Variants in FHIT observed in about 807,000 individuals in gnomAD.
FHIT encodes fragile histidine triad diadenosine triphosphatase, also known as bis(5'-adenosyl)-triphosphatase.
A neutral mutation model predicts 17.9 loss-of-function variants in FHIT; 19 were observed. The ratio of observed to expected loss-of-function variants is 1.06; its 90% CI spans 0.74 to 1.56. The LOEUF is 1.56. Among genes scored for constraint, FHIT ranks in the 40% most tolerant of loss-of-function variants. FHIT has a pLI of 0.00. For missense variants in FHIT, 248 were observed against 189.2 expected (o/e 1.31, Z -1.82); for synonymous variants, 81 against 69.7 (o/e 1.16, Z -0.81).
At chr3:60,728,996 G>A (rs1559675834) in intron 4 of FHIT, among the ~76,000 whole-genome samples, 1 of 152,084 alleles carries the variant, frequency 6.6e-6, no homozygotes, top group African/African-American at 2.4e-5. Context: ...CATTATCAGA[G>A]AGCAAGAGAA....
At chr3:60,421,062 A>G (rs1315643799) in intron 5 of FHIT, among the ~76,000 whole-genome samples, 1 of 151,062 alleles carries the variant, frequency 6.6e-6, no homozygotes. Flanking sequence ...AGAGAGAATA[A>G]AGCTTTGGCC....
chr3:59,927,489 C>T lies in FHIT; in HGVS notation c.280-5075G>A, dbSNP rs1575709799. Among the ~76,000 whole-genome samples, 4 of 144,086 alleles carry T rather than the reference C, an allele frequency of 2.8e-5. No homozygotes were observed. In the South Asian group the frequency reaches 6.6e-4, roughly 24 times the overall value. The allele number at this position is 144,086 out of a possible 152,430, so 94.5% of individuals were successfully genotyped here. On this transcript the variant is annotated intron_variant, in intron 7 of 9. Transcript: ENST00000492590. ...AAAAAAAAAAAAAAAAACTGAAGGC[C>T]GGGTGCTGTGGTTCACGCCTGTAAT...
chr3:60,011,386 G>C lies in FHIT; in HGVS notation c.264C>G (p.Ala88=). The change falls in exon 7 of 10, where the codon GCC becomes GCG. Residue 88 remains alanine (A), a synonymous_variant. Coordinates refer to ENST00000492590, the MANE Select transcript of FHIT (RefSeq NM_002012.4). ...AAGCACTCACCTTCACAGTCTGTCC[G>C]GCTTCGGGGCCATCCTAGAAGTAGG... ...LTFSMQDGPE[A]GQTVKHVHVH... 1 of 1,612,896 alleles carries C rather than the reference G, an allele frequency of 6.2e-7. No individual in the cohort carries two copies. The highest frequency in any genetic ancestry group is 8.5e-7 in the Non-Finnish European group (1 of 1,179,104).
intron 3 of FHIT, among the ~76,000 whole-genome samples, chr3:60,926,493 G>A (rs576722413): frequency 6.6e-6 from 1 of 152,172 alleles, no homozygotes; most frequent in Non-Finnish European, 1.5e-5. Context: ...AAATAAAGAC[G>A]TTCTTTGAAA....
chr3:60,895,614 A>G (rs1446227484), intron 3 of FHIT, among the ~76,000 whole-genome samples: 1 of 152,032 alleles, frequency 6.6e-6, no homozygotes, highest in Non-Finnish European at 1.5e-5. Flanking sequence ...CTAGTGCAAG[A>G]AACAGCTGCC....
intron 5 of FHIT, among the ~76,000 whole-genome samples, chr3:60,094,957 T>C (rs1025857471): frequency 6.6e-6 from 1 of 152,194 alleles, no homozygotes; most frequent in Non-Finnish European, 1.5e-5. Context: ...TTAGGATTCA[T>C]CCCTAGAGTC....
At chr3:59,837,747 G>A (rs1701389459) in intron 8 of FHIT, among the ~76,000 whole-genome samples, 1 of 152,180 alleles carries the variant, frequency 6.6e-6, no homozygotes, top group Non-Finnish European at 1.5e-5. Flanking sequence ...GACTTGGACT[G>A]CTTGGGTTGG....
intron 5 of FHIT, among the ~76,000 whole-genome samples, chr3:60,470,783 C>G (rs1306620022): frequency 6.6e-6 from 1 of 152,120 alleles, no homozygotes; most frequent in Non-Finnish European, 1.5e-5. Context: ...CAGAAGGGAT[C>G]TCTCCCTGTA....
chr3:60,257,124 T>C (rs111886144), intron 5 of FHIT, among the ~76,000 whole-genome samples: 1 of 152,206 alleles, frequency 6.6e-6, no homozygotes, highest in Non-Finnish European at 1.5e-5. Flanking sequence ...GCCTGTTGTT[T>C]GGATTATCTT....
chr3:60,756,835 T>C (rs1449347439), intron 4 of FHIT, among the ~76,000 whole-genome samples: 5 of 152,186 alleles, frequency 3.3e-5, no homozygotes, highest in Admixed American at 6.5e-5. Context: ...CCAGGTCTTT[T>C]TGTCTGTATA....
At chr3:60,748,941 A>T (rs1295453218) in intron 4 of FHIT, among the ~76,000 whole-genome samples, 1 of 152,274 alleles carries the variant, frequency 6.6e-6, no homozygotes, top group African/African-American at 2.4e-5. Flanking sequence ...TGTTCAGCAC[A>T]GATGCAATTT....
chr3:60,722,461 G>A (rs924062788), intron 4 of FHIT, among the ~76,000 whole-genome samples: 1 of 152,138 alleles, frequency 6.6e-6, no homozygotes, highest in African/African-American at 2.4e-5. Flanking sequence ...GTCTTAAGCT[G>A]CACTATAAAT....
intron 3 of FHIT, among the ~76,000 whole-genome samples, chr3:61,025,329 T>A (rs1161243952): frequency 1.3e-5 from 2 of 152,146 alleles, no homozygotes; most frequent in African/African-American, 4.8e-5. Context: ...GTTGCTGCAG[T>A]AGAGTAAAGG....
At chr3:61,245,339 C>G (rs982480358) in intron 1 of FHIT, among the ~76,000 whole-genome samples, 22 of 152,132 alleles carry the variant, frequency 1.4e-4, no homozygotes, top group African/African-American at 5.3e-4. Flanking sequence ...GGACACTTTC[C>G]CCAGAGTCAC....
At chr3:59,803,156 A>T (rs1700065835) in intron 8 of FHIT, among the ~76,000 whole-genome samples, 1 of 152,172 alleles carries the variant, frequency 6.6e-6, no homozygotes, top group Non-Finnish European at 1.5e-5. Flanking sequence ...AAGCTGGCAA[A>T]ACACATCTCC....
At chr3:60,065,179 C>T (rs908451398) in intron 5 of FHIT, among the ~76,000 whole-genome samples, 2 of 152,196 alleles carry the variant, frequency 1.3e-5, no homozygotes, top group East Asian at 1.9e-4. Flanking sequence ...TGAAAATATG[C>T]GTATTACACA....
intron 3 of FHIT, among the ~76,000 whole-genome samples, chr3:60,824,806 C>T (rs1702056197): frequency 6.6e-6 from 1 of 152,136 alleles, no homozygotes. Context: ...CTGCTGCCAT[C>T]CCTGTAAGAT....
intron 4 of FHIT, among the ~76,000 whole-genome samples, chr3:60,801,292 G>A (rs1553732169): frequency 6.6e-6 from 1 of 152,148 alleles, no homozygotes; most frequent in African/African-American, 2.4e-5. Context: ...TAGAAAATAG[G>A]GATGAAAATA....
intron 3 of FHIT, among the ~76,000 whole-genome samples, chr3:60,936,807 AG>A (rs761376737): frequency 1.2e-4 from 18 of 152,336 alleles, no homozygotes; most frequent in South Asian, 6.2e-4. Flanking sequence ...ATGAACTCAA[AG>A]GGAAAAGAGG....
Sources: gnomAD v4.1 joint callset for allele counts (sites outside exome capture counted in the v4.1 genomes callset) on GRCh38, gnomAD v4.1.1 for gene constraint, MANE v1.5 for transcripts, NCBI Gene and HGNC (gene_info 2026-07-23, HGNC 2026-07-21) for gene names.